Variants in GRID2 observed in about 807,000 individuals in gnomAD.
GRID2 encodes the protein glutamate ionotropic receptor delta type subunit 2.
A neutral mutation model predicts 114.8 loss-of-function variants in GRID2; 33 were observed. The ratio of observed to expected loss-of-function variants is 0.29; its 90% CI spans 0.22 to 0.38. The LOEUF is 0.38. GRID2 is among the 10% of genes least tolerant of loss of function. The pLI is 1.00. For missense variants in GRID2, 1,184 were observed against 1,257.7 expected, an observed-to-expected ratio of 0.94 and a Z score of 0.89; for synonymous variants, 505 against 449.9, an observed-to-expected ratio of 1.12 and a Z score of -1.55.
At chr4:92,757,514 A>G (rs1380258009) in intron 2 of GRID2, among the ~76,000 whole-genome samples, 3 of 152,080 alleles carry the variant, frequency 2.0e-5, no homozygotes, top group Admixed American at 2.0e-4. Flanking sequence ...AAGAAATCAT[A>G]TGTATGTACA....
intron 1 of GRID2, among the ~76,000 whole-genome samples, chr4:92,450,078 G>C (rs1012529112): frequency 6.6e-6 from 1 of 152,034 alleles, no homozygotes; most frequent in Non-Finnish European, 1.5e-5. Context: ...ACTTTGCTAA[G>C]TTTGGTCACT....
At chr4:92,462,664 C>T (rs533061508) in intron 1 of GRID2, among the ~76,000 whole-genome samples, 7 of 151,978 alleles carry the variant, frequency 4.6e-5, no homozygotes, top group African/African-American at 9.6e-5. Context: ...AACCAAAACA[C>T]ATTCCTAAAA....
chr4:92,611,816 A>G (rs1240656944), intron 2 of GRID2, among the ~76,000 whole-genome samples: 1 of 151,466 alleles, frequency 6.6e-6, no homozygotes, highest in Non-Finnish European at 1.5e-5. Flanking sequence ...GCTTGTTCCA[A>G]TCATGCATAC....
At chr4:92,999,666 C>G (rs1422492962) in intron 2 of GRID2, among the ~76,000 whole-genome samples, 1 of 151,308 alleles carries the variant, frequency 6.6e-6, no homozygotes, top group East Asian at 1.9e-4. Context: ...TGAATCATTT[C>G]CTAGTTTTGC....
At chr4:93,425,492 A>T (rs889447735) in intron 10 of GRID2, among the ~76,000 whole-genome samples, 1 of 152,088 alleles carries the variant, frequency 6.6e-6, no homozygotes, top group African/African-American at 2.4e-5. Context: ...ACTTAAAGGA[A>T]CTCAAAATTC....
At chr4:93,634,152 G>A (rs953463290) in intron 14 of GRID2, among the ~76,000 whole-genome samples, 2 of 152,044 alleles carry the variant, frequency 1.3e-5, no homozygotes, top group East Asian at 1.9e-4. Context: ...AAACTATATA[G>A]TATAGACAAT....
chr4:93,189,773 C>CCA (rs34137840), intron 4 of GRID2, among the ~76,000 whole-genome samples: 9,129 of 138,812 alleles, frequency 0.066, 404 homozygotes, highest in African/African-American at 0.13. Flanking sequence ...CCACACCACA[C>CCA]CACACACACA....
intron 8 of GRID2, among the ~76,000 whole-genome samples, chr4:93,301,383 G>A (rs762418451): frequency 5.9e-5 from 9 of 152,082 alleles, no homozygotes; most frequent in Non-Finnish European, 1.3e-4. Context: ...TTAAAAAGTA[G>A]TTATTTTCTC....
intron 2 of GRID2, among the ~76,000 whole-genome samples, chr4:92,814,820 C>T (rs150961293): frequency 6.6e-6 from 1 of 152,062 alleles, no homozygotes; most frequent in Non-Finnish European, 1.5e-5. Flanking sequence ...GTGCTTCTAG[C>T]CACCATGTTC....
intron 8 of GRID2, among the ~76,000 whole-genome samples, chr4:93,367,861 TG>T (rs1762488222): frequency 6.6e-6 from 1 of 152,190 alleles, no homozygotes; most frequent in Non-Finnish European, 1.5e-5. Flanking sequence ...AGTGTTGGAT[TG>T]AATTATTTTT....
At chr4:92,930,073 C>A (rs986704572) in intron 2 of GRID2, among the ~76,000 whole-genome samples, 4 of 151,212 alleles carry the variant, frequency 2.6e-5, no homozygotes, top group African/African-American at 9.7e-5. Context: ...TATTGAAGAA[C>A]AGTAGCATTT....
In GRID2 at chr4:93,060,403, A is replaced by C. The variant is rs113970342; in HGVS notation, c.245-24592A>C. Among the ~76,000 whole-genome samples, 299 of 152,298 alleles carry C rather than the reference A, an allele frequency of 2.0e-3. 1 individual carries two copies. Among genetic ancestry groups the C allele is most frequent in the African/African-American group, 6.7e-3 (279 of 41,574 alleles). ...ATTCTGATAAAGTATTTGTGTTTCC[A>C]TGGAAGGAAATGCTAATTAGTATTT... On this transcript the variant is annotated intron_variant, in intron 2 of 15. Coordinates refer to ENST00000282020, the MANE Select transcript of GRID2 (RefSeq NM_001510.4).
intron 13 of GRID2, among the ~76,000 whole-genome samples, chr4:93,620,188 A>C (rs1742082954): frequency 6.6e-6 from 1 of 152,216 alleles, no homozygotes; most frequent in African/African-American, 2.4e-5. Context: ...ATCTATTATC[A>C]TAAGAAATAA....
At chr4:93,278,784 T>C (rs923579261) in intron 8 of GRID2, among the ~76,000 whole-genome samples, 1 of 152,000 alleles carries the variant, frequency 6.6e-6, no homozygotes, top group Non-Finnish European at 1.5e-5. Context: ...TATTTCATAA[T>C]GACTTTCTGA....
intron 2 of GRID2, among the ~76,000 whole-genome samples, chr4:92,969,531 T>C (rs1753364917): frequency 6.6e-6 from 1 of 151,908 alleles, no homozygotes; most frequent in East Asian, 1.9e-4. Flanking sequence ...AATCATAATA[T>C]AGCTAACATG....
In GRID2 at chr4:92,559,537, A is replaced by G. The variant is rs138757864; in HGVS notation, c.89-30594A>G. Among the ~76,000 whole-genome samples the G allele has an allele frequency of 6.7e-4, 102 of 152,282 alleles. 1 individual carries two copies. The East Asian group carries it at 0.018, about 27-fold the overall frequency. On this transcript the variant is annotated intron_variant, in intron 1 of 15. Transcript: ENST00000282020. ...TGGATTTTGGAGTTCTGGATTCGAC[A>G]TGCTCAACCTGTATTATTTTCTTAT...
At chr4:92,323,622 G>C (rs553223510) in intron 1 of GRID2, among the ~76,000 whole-genome samples, 1 of 151,974 alleles carries the variant, frequency 6.6e-6, no homozygotes, top group African/African-American at 2.4e-5. Context: ...GTTTTTTGTG[G>C]TCTTATCACT....
chr4:93,720,426 C>A (rs1334968078), intron 14 of GRID2, among the ~76,000 whole-genome samples: 1 of 152,184 alleles, frequency 6.6e-6, no homozygotes, highest in African/African-American at 2.4e-5. Context: ...TACCTCCTTT[C>A]ATTTTCTCTT....
chr4:93,540,079 T>C (rs1732506405), intron 13 of GRID2, among the ~76,000 whole-genome samples: 1 of 152,028 alleles, frequency 6.6e-6, no homozygotes, highest in Non-Finnish European at 1.5e-5. Flanking sequence ...ATTTATGTAA[T>C]TATTCAATAT....
Sources: allele counts gnomAD v4.1 joint callset (sites outside exome capture counted in the v4.1 genomes callset), GRCh38; gene constraint gnomAD v4.1.1; transcripts MANE v1.5; gene names NCBI Gene and HGNC (gene_info 2026-07-23, HGNC 2026-07-21).